SYT16: variants seen among roughly 807,000 people sequenced by gnomAD.
SYT16 encodes synaptotagmin 16, also known as synaptotagmin-16.
SYT16 carries 42 observed loss-of-function variants against 61.4 expected under a neutral mutation model. The ratio of observed to expected loss-of-function variants is 0.68; its 90% CI spans 0.53 to 0.89. The LOEUF is 0.89. Ranked by LOEUF, SYT16 falls within the 40% of genes least tolerant of loss-of-function variation. The pLI is 0.00. For synonymous variants in SYT16, 314 were observed against 302.3 expected, an observed-to-expected ratio of 1.04 and a Z score of -0.40; for missense variants, 804 against 807.3, an observed-to-expected ratio of 1.00 and a Z score of 0.05.
intron 1 of SYT16, among the ~76,000 whole-genome samples, chr14:61,954,946 A>AAT (rs2050813759): frequency 6.6e-6 from 1 of 152,138 alleles, no homozygotes; most frequent in Non-Finnish European, 1.5e-5. Flanking sequence ...GATTTTAAAA[A>AAT]ATATATATAT....
chr14:61,937,949 A>G (rs1235309248), intron 1 of SYT16, among the ~76,000 whole-genome samples: 1 of 151,304 alleles, frequency 6.6e-6, no homozygotes, highest in African/African-American at 2.4e-5. Context: ...GCCTTTGAGG[A>G]GTTTACAGTC....
intron 1 of SYT16, among the ~76,000 whole-genome samples, chr14:61,854,815 C>A (rs2046725400): frequency 6.6e-6 from 1 of 151,848 alleles, no homozygotes; most frequent in East Asian, 1.9e-4. Flanking sequence ...CCACACTTAC[C>A]TAAAGTTTAT....
At chr14:61,861,685 A>G (rs965203460) in intron 1 of SYT16, among the ~76,000 whole-genome samples, 9 of 152,298 alleles carry the variant, frequency 5.9e-5, no homozygotes, top group African/African-American at 2.2e-4. Context: ...GATTACAGGT[A>G]TGGGCCACCA....
intron 1 of SYT16, among the ~76,000 whole-genome samples, chr14:61,870,842 C>T (rs1594795925): frequency 6.6e-6 from 1 of 152,088 alleles, no homozygotes. Flanking sequence ...TTGTGGAGTA[C>T]ATTTATAATA....
In SYT16 at chr14:62,110,811, C is replaced by T; in HGVS notation, c.*10104C>T. 6.6e-6 allele frequency: 1 copy of T among 152,006 alleles called. No individual in the cohort carries two copies. Among genetic ancestry groups the T allele is most frequent in the East Asian group, 1.9e-4 (1 of 5,196 alleles). The allele number at this position is 152,006 out of a possible 1,614,324, so 9.4% of individuals were successfully genotyped here. On this transcript the variant is annotated 3_prime_UTR_variant, in exon 8 of 8. Coordinates refer to ENST00000683842, the MANE Select transcript of SYT16 (RefSeq NM_001367656.1). ...CAAAGTATTAAATGGAATAGCTTTT[C>T]CTCCCCTACAAAGTGGATTTGAATA...
chr14:61,860,596 AT>A (rs1299856275), intron 1 of SYT16, among the ~76,000 whole-genome samples: 3 of 152,204 alleles, frequency 2.0e-5, no homozygotes, highest in South Asian at 2.1e-4. Context: ...TTTTTATTGT[AT>A]TTTTAAAAAG....
At chr14:61,867,113 A>G (rs1414311201) in intron 1 of SYT16, among the ~76,000 whole-genome samples, 2 of 151,952 alleles carry the variant, frequency 1.3e-5, no homozygotes, top group Admixed American at 6.6e-5. Context: ...CTATGTGTCT[A>G]TCTTTATGCT....
intron 1 of SYT16, among the ~76,000 whole-genome samples, chr14:61,856,151 G>A (rs1203749116): frequency 1.3e-5 from 2 of 152,206 alleles, no homozygotes; most frequent in Non-Finnish European, 2.9e-5. Context: ...CCTGGAAACT[G>A]GCAGGAAGGC....
chr14:61,945,986 A>C (rs1391477467), intron 1 of SYT16, among the ~76,000 whole-genome samples: 1 of 151,314 alleles, frequency 6.6e-6, no homozygotes, highest in East Asian at 2.0e-4. Flanking sequence ...ACATGTTCTC[A>C]CCCATAAGTG....
At position 61,904,612 on chromosome 14, in the gene SYT16, G is replaced by T. The variant is rs1009983443; in HGVS notation, c.-324-65520G>T. Among the ~76,000 whole-genome samples, 8 of 152,144 alleles carry T rather than the reference G, an allele frequency of 5.3e-5. No individual in the cohort carries two copies. The East Asian group carries it at 1.5e-3, about 29-fold the overall frequency. Reference sequence around the variant, plus strand: ...TTTCAGATAAAGGGGAGCTACCAAGGAAAGAGTAAATCTGTGTATCTTTGA... The same window carrying T: ...TTTCAGATAAAGGGGAGCTACCAAGTAAAGAGTAAATCTGTGTATCTTTGA... On this transcript the variant is annotated intron_variant, in intron 1 of 7. Transcript: ENST00000683842.
chr14:61,949,431 A>G (rs2050578610), intron 1 of SYT16, among the ~76,000 whole-genome samples: 1 of 152,142 alleles, frequency 6.6e-6, no homozygotes, highest in Admixed American at 6.6e-5. Flanking sequence ...TAAATCTCAT[A>G]TATTTTTTTC....
chr14:62,043,407 C>CTT lies in SYT16; in HGVS notation c.524-26179_524-26178dup, dbSNP rs1203186408. ...GGAATGGATGTTGAAATTTTTCTTT[C>CTT]TTTTTTTTTTTTTTTTTTGAGATGG... is the stretch of plus-strand genomic sequence containing the variant. On this transcript the variant is annotated intron_variant, in intron 3 of 7. Transcript: ENST00000683842. 7.9e-3 allele frequency among the ~76,000 whole-genome samples: 963 copies of CTT among 122,500 alleles called. 16 individuals are homozygous for CTT. The highest frequency in any genetic ancestry group is 0.022 in the African/African-American group (721 of 32,502). 80.4% of individuals were successfully genotyped at this position (122,500 alleles called of 152,430 possible).
chr14:62,099,028 G>C (rs373699950), intron 7 of SYT16, among the ~76,000 whole-genome samples: 2 of 152,178 alleles, frequency 1.3e-5, no homozygotes, highest in East Asian at 3.9e-4. Context: ...AGGGGAGGAA[G>C]TTCAATGTAG....
intron 3 of SYT16, 140 bp from the exon 4 acceptor site, chr14:62,069,463 A>AT (rs996625704): frequency 1.5e-5 from 12 of 819,886 alleles, no homozygotes; most frequent in Non-Finnish European, 2.3e-5. Flanking sequence ...AGTGCTTTAA[A>AT]TTTTTTTTCT....
chr14:61,981,420 A>G (rs1359440705), intron 2 of SYT16, among the ~76,000 whole-genome samples: 1 of 152,182 alleles, frequency 6.6e-6, no homozygotes, highest in African/African-American at 2.4e-5. Context: ...GGTTGGGAAA[A>G]GAAAATCTTC....
In SYT16 at chr14:61,880,174, A is replaced by G. The variant is rs557248749; in HGVS notation, c.-325+67364A>G. Among the ~76,000 whole-genome samples the G allele has an allele frequency of 2.6e-5, 4 of 152,326 alleles. No individual in the cohort carries two copies. The South Asian group carries it at 6.2e-4, about 24-fold the overall frequency. ...CATGCATCCTCATTTGCCCAGTTCA[A>G]TGATAGTTTCCATTTGTTGGCTTGG... is the stretch of plus-strand genomic sequence containing the variant. On this transcript the variant is annotated intron_variant, in intron 1 of 7. Coordinates refer to ENST00000683842, the MANE Select transcript of SYT16 (RefSeq NM_001367656.1).
chr14:62,041,830 C>T (rs139341307), intron 3 of SYT16, among the ~76,000 whole-genome samples: 1,868 of 152,166 alleles, frequency 0.012, 4 homozygotes, highest in Middle Eastern at 0.044. Flanking sequence ...ATGTTTCTTA[C>T]GTTGATTATT....
chr14:62,009,415 T>C (rs1230531041), intron 3 of SYT16, among the ~76,000 whole-genome samples: 1 of 152,216 alleles, frequency 6.6e-6, no homozygotes, highest in East Asian at 1.9e-4. Flanking sequence ...AAACTAGTAA[T>C]AATACAGTCA....
intron 3 of SYT16, among the ~76,000 whole-genome samples, chr14:62,008,182 CT>C (rs768022772): frequency 1.3e-5 from 2 of 151,934 alleles, no homozygotes; most frequent in African/African-American, 2.4e-5. Flanking sequence ...GGTAAATCTC[CT>C]TTCTTTCTTC....
Sources: gnomAD v4.1 joint callset for allele counts (sites outside exome capture counted in the v4.1 genomes callset) on GRCh38, gnomAD v4.1.1 for gene constraint, MANE v1.5 for transcripts, NCBI Gene and HGNC (gene_info 2026-07-23, HGNC 2026-07-21) for gene names.